Variants in ADGRL2 observed in about 807,000 individuals in gnomAD.
ADGRL2 encodes the protein adhesion G protein-coupled receptor L2, also known as calcium-independent alpha-latrotoxin receptor 2.
A neutral mutation model predicts 157.4 loss-of-function variants in ADGRL2; 44 were observed. The observed-to-expected ratio is 0.28, with a 90% CI of 0.22 to 0.36. The LOEUF is 0.36. ADGRL2 is among the 10% of genes least tolerant of loss of function. The pLI is 1.00. For missense variants in ADGRL2, 1,510 were observed against 1,768.9 expected (o/e 0.85, Z 2.63); for synonymous variants, 585 against 624.7 (o/e 0.94, Z 0.95).
intron 2 of ADGRL2, chr1:81,505,897 T>C (rs1408464637): frequency 6.1e-6 from 2 of 325,422 alleles, no homozygotes; most frequent in Non-Finnish European, 1.2e-5. Context: ...TTCATTAAAA[T>C]CATGTAAAAA....
chr1:81,454,375 C>T (rs2077760481), intron 2 of ADGRL2, among the ~76,000 whole-genome samples: 1 of 152,148 alleles, frequency 6.6e-6, no homozygotes, highest in Non-Finnish European at 1.5e-5. Flanking sequence ...TCTTCTCAGT[C>T]TGCTCTCATG....
At chr1:81,489,895 G>A (rs2078592969) in intron 2 of ADGRL2, among the ~76,000 whole-genome samples, 1 of 152,108 alleles carries the variant, frequency 6.6e-6, no homozygotes, top group South Asian at 2.1e-4. Flanking sequence ...GAAATTAAAG[G>A]ATGGTTAGAT....
chr1:81,746,762 A>C (rs2085259666), intron 1 of ADGRL2, among the ~76,000 whole-genome samples: 2 of 151,754 alleles, frequency 1.3e-5, no homozygotes, highest in South Asian at 4.1e-4. Flanking sequence ...TTTTAAAATA[A>C]TTTAAATAAC....
At chr1:81,509,951 G>A (rs989510308) in intron 2 of ADGRL2, among the ~76,000 whole-genome samples, 34 of 152,150 alleles carry the variant, frequency 2.2e-4, no homozygotes, top group African/African-American at 6.8e-4. Flanking sequence ...CGAAGGAAGC[G>A]TCCAAGTCTT....
intron 22 of ADGRL2, 88 bp downstream of exon 22, chr1:81,987,117 C>T (rs919421625): frequency 6.8e-7 from 1 of 1,475,178 alleles, no homozygotes; most frequent in Non-Finnish European, 9.2e-7. Context: ...TTCAAGTTGT[C>T]ATATATTTAT....
chr1:81,789,181 T>C (rs1446442627), intron 2 of ADGRL2, among the ~76,000 whole-genome samples: 1 of 152,180 alleles, frequency 6.6e-6, no homozygotes, highest in Non-Finnish European at 1.5e-5. Flanking sequence ...GAGACCTCTA[T>C]TTTATGCTTT....
chr1:81,565,984 T>C (rs2080551444), intron 2 of ADGRL2, among the ~76,000 whole-genome samples: 1 of 152,180 alleles, frequency 6.6e-6, no homozygotes, highest in Non-Finnish European at 1.5e-5. Context: ...GTTAAGATAC[T>C]GCAGCTTTGC....
At chr1:81,852,980 C>T (rs562203080) in intron 2 of ADGRL2, among the ~76,000 whole-genome samples, 7 of 152,144 alleles carry the variant, frequency 4.6e-5, no homozygotes, top group Admixed American at 6.6e-5. Context: ...AGTAGAAAAA[C>T]GAACTGAACT....
At chr1:81,866,836 A>C (rs926258359) in intron 2 of ADGRL2, among the ~76,000 whole-genome samples, 1 of 152,156 alleles carries the variant, frequency 6.6e-6, no homozygotes, top group Non-Finnish European at 1.5e-5. Flanking sequence ...CAAAGAAACT[A>C]ATCTCTGATA....
At chr1:81,465,300 G>A (rs1227163895) in intron 2 of ADGRL2, among the ~76,000 whole-genome samples, 3 of 152,042 alleles carry the variant, frequency 2.0e-5, no homozygotes, top group African/African-American at 4.8e-5. Flanking sequence ...GAGAATGCTT[G>A]TGTATTATTT....
chr1:81,385,121 C>A (rs1024866655), intron 1 of ADGRL2, among the ~76,000 whole-genome samples: 3 of 152,084 alleles, frequency 2.0e-5, no homozygotes, highest in African/African-American at 7.2e-5. Flanking sequence ...CTTCTGCACA[C>A]CTGGAGAGAA....
chr1:81,825,213 A>AT lies in ADGRL2; in HGVS notation c.-100-11663dup, dbSNP rs911157421. Among the ~76,000 whole-genome samples the AT allele has an allele frequency of 6.6e-5, 10 of 151,598 alleles. No individual in the cohort carries two copies. The South Asian group carries it at 8.3e-4, about 13-fold the overall frequency. Reference sequence around the variant, plus strand: ...AAAAATCAAAAATAAAGAAATAAAAATTTTTTTTTGTTGTAGTGGGTATGT... The same window carrying AT: ...AAAAATCAAAAATAAAGAAATAAAAATTTTTTTTTTGTTGTAGTGGGTATGT... On this transcript the variant is annotated intron_variant, in intron 1 of 23. Coordinates refer to ENST00000686636, the MANE Select transcript of ADGRL2 (RefSeq NM_001366006.2).
intron 1 of ADGRL2, among the ~76,000 whole-genome samples, chr1:81,725,539 AAAATAAATAAAT>A (rs369835378): frequency 5.9e-5 from 9 of 151,450 alleles, no homozygotes; most frequent in African/African-American, 2.2e-4. Context: ...ACTCTGTCTC[AAAATAAATAAAT>A]AAATAAATAA....
intron 1 of ADGRL2, among the ~76,000 whole-genome samples, chr1:81,432,389 G>A (rs2077337713): frequency 6.6e-6 from 1 of 152,174 alleles, no homozygotes; most frequent in Non-Finnish European, 1.5e-5. Context: ...TGTTGTCAAG[G>A]ATTCAGATGA....
chr1:81,329,257 A>T (rs773195815), intron 1 of ADGRL2, among the ~76,000 whole-genome samples: 1 of 152,100 alleles, frequency 6.6e-6, no homozygotes, highest in Non-Finnish European at 1.5e-5. Context: ...TGGAGTCATC[A>T]TACTGCATTC....
chr1:81,820,560 G>C (rs536827170), intron 1 of ADGRL2, among the ~76,000 whole-genome samples: 1 of 151,390 alleles, frequency 6.6e-6, no homozygotes, highest in Admixed American at 6.6e-5. Flanking sequence ...TTTTTGGGGG[G>C]AAGACTCTTC....
chr1:81,485,618 C>T (rs1295724482), intron 2 of ADGRL2, among the ~76,000 whole-genome samples: 8 of 152,064 alleles, frequency 5.3e-5, no homozygotes, highest in Admixed American at 5.2e-4. Context: ...ACCTAAGTCT[C>T]CGTAGTGAAA....
At chr1:81,980,925 T>C in intron 18 of ADGRL2, 1 of 566,466 alleles carries the variant, frequency 1.8e-6, no homozygotes, top group Non-Finnish European at 3.3e-6. Context: ...CCCTTAATTT[T>C]TATAATTATT....
At chr1:81,930,688 T>A (rs1572190194) in intron 3 of ADGRL2, among the ~76,000 whole-genome samples, 1 of 152,344 alleles carries the variant, frequency 6.6e-6, no homozygotes, top group East Asian at 1.9e-4. Context: ...AGTAAATTAA[T>A]AAACTATTAA....
Sources: gnomAD v4.1 joint callset for allele counts (sites outside exome capture counted in the v4.1 genomes callset) on GRCh38, gnomAD v4.1.1 for gene constraint, MANE v1.5 for transcripts, NCBI Gene and HGNC (gene_info 2026-07-23, HGNC 2026-07-21) for gene names.